The following NINL variants were observed in gnomAD, a reference collection of about 807,000 sequenced individuals.
The protein encoded by NINL is ninein-like protein.
NINL carries 153 observed loss-of-function variants against 160.3 expected under a neutral mutation model. The ratio of observed to expected loss-of-function variants is 0.95; its 90% confidence interval spans 0.84 to 1.09. The LOEUF is 1.09. Ranked by LOEUF, NINL falls within the 50% of genes least tolerant of loss-of-function variation. NINL has a pLI of 0.00. For synonymous variants in NINL, 800 were observed against 734.8 expected, an observed-to-expected ratio of 1.09 and a Z score of -1.43; for missense variants, 1,829 against 1,764.0, an observed-to-expected ratio of 1.04 and a Z score of -0.66.
intron 1 of NINL, among the ~76,000 whole-genome samples, chr20:25,553,521 A>G (rs1199434547): frequency 6.6e-6 from 1 of 152,232 alleles, no homozygotes; most frequent in African/African-American, 2.4e-5. Context: ...TATCATTCCC[A>G]TGGCAAAGAT....
chr20:25,515,944 T>G (rs978169776), intron 3 of NINL, among the ~76,000 whole-genome samples: 8 of 152,086 alleles, frequency 5.3e-5, no homozygotes, highest in Non-Finnish European at 1.0e-4. Context: ...CTAATTTTTT[T>G]GTATTTTTTT....
intron 1 of NINL, among the ~76,000 whole-genome samples, chr20:25,575,739 C>CA (rs2065108121): frequency 6.7e-6 from 1 of 148,820 alleles, no homozygotes; most frequent in Non-Finnish European, 1.5e-5. Context: ...AGCAAGTACT[C>CA]AGTCTCAAAA....
chr20:25,465,243 C>T (rs994693368), intron 19 of NINL, among the ~76,000 whole-genome samples: 1 of 152,160 alleles, frequency 6.6e-6, no homozygotes, highest in Non-Finnish European at 1.5e-5. Context: ...TGGGGCTCTT[C>T]CAAAAGCCAG....
intron 15 of NINL, among the ~76,000 whole-genome samples, 156 bp downstream of exon 15, chr20:25,480,005 T>C (rs538898346): frequency 1.5e-3 from 225 of 152,358 alleles, no homozygotes; most frequent in Non-Finnish European, 2.0e-3. Flanking sequence ...GTCAGTTTTA[T>C]TGCATTTCTC....
At chr20:25,462,282 C>T in intron 20 of NINL, 101 bp downstream of exon 20, 1 of 1,127,224 alleles carries the variant, frequency 8.9e-7, no homozygotes, top group Non-Finnish European at 1.2e-6. Context: ...TCCCTCACTT[C>T]CCTCCAGGCT....
Position 25,476,824 on chromosome 20 carries a change from C to CCTG in NINL, c.2466_2467insCAG (p.Leu822_Glu823insGln). 3 of 1,613,280 alleles carry CCTG rather than the reference C, an allele frequency of 1.9e-6. No individual in the cohort carries two copies. The highest frequency in any genetic ancestry group is 2.5e-6 in the Non-Finnish European group (3 of 1,179,938). On this transcript the variant is annotated inframe_insertion, in exon 17 of 24. Transcript: ENST00000278886. ...TTCGGCAGGGCCTGCATCTCTGCTT[C>CCTG]CAGGGAGGGCCCGTCCACTCGCTTC... is the stretch of plus-strand genomic sequence containing the variant.
chr20:25,543,168 C>T (rs890600640), intron 1 of NINL, among the ~76,000 whole-genome samples: 2 of 152,056 alleles, frequency 1.3e-5, no homozygotes, highest in Admixed American at 6.6e-5. Flanking sequence ...ATTACACAGA[C>T]ACACACACCC....
intron 2 of NINL, among the ~76,000 whole-genome samples, chr20:25,523,504 T>G (rs537826269): frequency 1.3e-5 from 2 of 152,294 alleles, no homozygotes; most frequent in South Asian, 4.1e-4. Flanking sequence ...CCTCTCACAT[T>G]GGCCTCCCAA....
chr20:25,505,779 C>T (rs935238466), intron 5 of NINL, among the ~76,000 whole-genome samples: 32 of 152,094 alleles, frequency 2.1e-4, no homozygotes, highest in Admixed American at 1.6e-3. Flanking sequence ...GATGGATGGA[C>T]GGACAAAGGG....
At chr20:25,574,034 A>G (rs2065086348) in intron 1 of NINL, among the ~76,000 whole-genome samples, 1 of 152,232 alleles carries the variant, frequency 6.6e-6, no homozygotes, top group African/African-American at 2.4e-5. Flanking sequence ...GTGGGGAGTC[A>G]GGAAGCAGAG....
chr20:25,543,643 C>A (rs955982770), intron 1 of NINL, among the ~76,000 whole-genome samples: 2 of 152,194 alleles, frequency 1.3e-5, no homozygotes, highest in African/African-American at 4.8e-5. Flanking sequence ...CTGTCCGCAA[C>A]CAATCAGACT....
chr20:25,505,612 C>T (rs1336210081), intron 5 of NINL, among the ~76,000 whole-genome samples: 2 of 152,174 alleles, frequency 1.3e-5, no homozygotes, highest in Non-Finnish European at 2.9e-5. Context: ...CTCAATAAGG[C>T]TGGGGAGAAA....
At chr20:25,579,283 G>A (rs1430727099) in intron 1 of NINL, among the ~76,000 whole-genome samples, 1 of 152,152 alleles carries the variant, frequency 6.6e-6, no homozygotes, top group African/African-American at 2.4e-5. Flanking sequence ...CGCACTCTCT[G>A]TGTGTGAGAT....
At chr20:25,569,386 T>C (rs1210317777) in intron 1 of NINL, among the ~76,000 whole-genome samples, 1 of 152,138 alleles carries the variant, frequency 6.6e-6, no homozygotes, top group Non-Finnish European at 1.5e-5. Context: ...TTTATACGTG[T>C]TTTTATTAAA....
chr20:25,456,881 G>A (rs142355435), intron 22 of NINL, among the ~76,000 whole-genome samples: 1,946 of 151,030 alleles, frequency 0.013, 36 homozygotes, highest in African/African-American at 0.042. Flanking sequence ...GCAGTGAGCC[G>A]AGATCGCACC....
At chr20:25,482,383 G>C (rs879884448) in intron 13 of NINL, among the ~76,000 whole-genome samples, 13 of 152,160 alleles carry the variant, frequency 8.5e-5, no homozygotes, top group Admixed American at 8.5e-4. Context: ...CTCTTGCCCA[G>C]GCTGGAGTGC....
rs543690396 is a variant in NINL, at chr20:25,467,647, G to C, written c.3354-189C>G. 2.0e-5 allele frequency among the ~76,000 whole-genome samples: 3 copies of C among 152,226 alleles called. No homozygotes were observed. The South Asian group carries it at 6.2e-4, about 32-fold the overall frequency. ...CACTACTAATGAAGACGACGATCCCGTCTTCCATGGTTTATCCCAAACCAC... is the reference window on the plus strand; with the variant it reads ...CACTACTAATGAAGACGACGATCCCCTCTTCCATGGTTTATCCCAAACCAC... On this transcript the variant is annotated intron_variant, in intron 18 of 23. Transcript: ENST00000278886.
Position 25,566,040 on chromosome 20 carries a change from T to C in NINL, c.-12+19415A>G, listed in dbSNP as rs544141419. Among the ~76,000 whole-genome samples the C allele has an allele frequency of 5.3e-4, 80 of 152,288 alleles. 2 individuals are homozygous for C. Among genetic ancestry groups the C allele is most frequent in the Admixed American group, 5.2e-3 (79 of 15,276 alleles). On this transcript the variant is annotated intron_variant, in intron 1 of 23. Transcript: ENST00000278886. ...GCCATGCTATTAGCATCCTAGGACC[T>C]CCAGTTGGCAGCCAGCCGGGCACTG...
At chr20:25,488,964 C>T (rs951229140) in intron 13 of NINL, 41 of 450,236 alleles carry the variant, frequency 9.1e-5, no homozygotes, top group East Asian at 1.8e-4. Flanking sequence ...AACTGACAGA[C>T]GGACACGCAT....
Sources: gnomAD v4.1 joint callset for allele counts (sites outside exome capture counted in the v4.1 genomes callset) on GRCh38, gnomAD v4.1.1 for gene constraint, MANE v1.5 for transcripts, NCBI Gene and HGNC (gene_info 2026-07-23, HGNC 2026-07-21) for gene names.